Variants in SCLT1 observed in about 807,000 individuals in gnomAD.
The protein encoded by SCLT1 is sodium channel-associated protein 1.
SCLT1 carries 78 observed loss-of-function variants against 112.8 expected under a neutral mutation model. The ratio of observed to expected loss-of-function variants is 0.69; its 90% CI spans 0.58 to 0.83. The LOEUF (loss-of-function observed/expected upper bound fraction) is 0.83. SCLT1 is among the 40% of genes least tolerant of loss of function. SCLT1 has a pLI of 0.00. For missense variants in SCLT1, 747 were observed against 770.4 expected (o/e 0.97, Z 0.36); for synonymous variants, 257 against 254.7 (o/e 1.01, Z -0.09).
At chr4:128,980,266 A>T (rs1430056757) in intron 9 of SCLT1, among the ~76,000 whole-genome samples, 1 of 152,194 alleles carries the variant, frequency 6.6e-6, no homozygotes, top group African/African-American at 2.4e-5. Context: ...TTAAATTAGA[A>T]CATGAAACAT....
At chr4:128,959,116 G>C (rs1212240533) in intron 12 of SCLT1, among the ~76,000 whole-genome samples, 2 of 152,154 alleles carry the variant, frequency 1.3e-5, no homozygotes, top group East Asian at 3.8e-4. Flanking sequence ...GTATTTGACA[G>C]CACAGGAATC....
At chr4:129,088,353 A>G (rs1752569749) in intron 1 of SCLT1, among the ~76,000 whole-genome samples, 2 of 152,218 alleles carry the variant, frequency 1.3e-5, no homozygotes, top group Admixed American at 1.3e-4. Flanking sequence ...CAGCAAATTA[A>G]GAATAGAAAG....
chr4:128,912,096 T>C (rs993050245), intron 18 of SCLT1, among the ~76,000 whole-genome samples: 1 of 152,234 alleles, frequency 6.6e-6, no homozygotes, highest in Non-Finnish European at 1.5e-5. Flanking sequence ...TGCTAGAATA[T>C]ATAATGCTGT....
chr4:129,093,014 C>A, intron 1 of SCLT1, 56 bp downstream of exon 1: 1 of 1,279,318 alleles, frequency 7.8e-7, no homozygotes, highest in South Asian at 1.2e-5. Context: ...ATTTGTCGGT[C>A]AACGACGACG....
chr4:129,039,845 ATAAG>A lies in SCLT1; in HGVS notation c.235-753_235-750del, dbSNP rs138747286. On this transcript the variant is annotated intron_variant, in intron 4 of 20. Coordinates refer to ENST00000281142, the MANE Select transcript of SCLT1 (RefSeq NM_144643.4). ...ATGAGTAAAAGCAAAATAGCAAAAA[ATAAG>A]TAGTCAACTCTCAGTAAGTGTGAAT... 3.9e-3 allele frequency: 860 copies of A among 218,146 alleles called. 9 individuals carry two copies. The highest frequency in any genetic ancestry group is 0.018 in the African/African-American group (798 of 44,324). The allele number at this position is 218,146 out of a possible 1,614,324, so 13.5% of individuals were successfully genotyped here.
chr4:129,003,801 G>A lies in SCLT1; in HGVS notation c.366C>T (p.Asp122=). The A allele has an allele frequency of 6.2e-7, 1 of 1,611,764 alleles. No homozygotes were observed. The highest frequency in any genetic ancestry group is 2.2e-5 in the East Asian group (1 of 44,718). The part of the protein sequence containing the change: ...AFPLGTEVGT[D]IYADDETVRN... The stretch of plus-strand genomic sequence containing the variant: ...TGACTGTTTCATCATCTGCATATAT[G>A]TCAGTTCCTACCTCTGTGCCCAGGG... Residue 122 remains aspartate, a synonymous_variant, in exon 6 of 21, where the codon GAC becomes GAT. Transcript: ENST00000281142.
chr4:129,003,072 G>T (rs530083469), intron 6 of SCLT1, among the ~76,000 whole-genome samples: 21 of 152,196 alleles, frequency 1.4e-4, no homozygotes, highest in African/African-American at 4.8e-4. Flanking sequence ...AAGAAAATGT[G>T]GCACATATAC....
intron 18 of SCLT1, among the ~76,000 whole-genome samples, chr4:128,918,127 G>A (rs1263179797): frequency 6.6e-6 from 1 of 152,078 alleles, no homozygotes; most frequent in Non-Finnish European, 1.5e-5. Context: ...AGAGGCAAAG[G>A]CAAAGATTCT....
At chr4:128,877,264 A>G (rs189022329) in intron 3 of SCLT1, among the ~76,000 whole-genome samples, 77 of 152,322 alleles carry the variant, frequency 5.1e-4, no homozygotes, top group African/African-American at 1.8e-3. Flanking sequence ...TTTACAGATG[A>G]GGAAACTGAG....
At chr4:128,970,643 T>A in intron 9 of SCLT1, 175 bp from the exon 10 acceptor site, 1 of 555,844 alleles carries the variant, frequency 1.8e-6, no homozygotes, top group Non-Finnish European at 3.2e-6. Context: ...GTAGAAGATA[T>A]TAAAGAGGAA....
intron 2 of SCLT1, among the ~76,000 whole-genome samples, chr4:129,073,307 T>C (rs1751183464): frequency 6.6e-6 from 1 of 152,168 alleles, no homozygotes; most frequent in Non-Finnish European, 1.5e-5. Context: ...TGTGAGCCTC[T>C]GCATGCTACT....
chr4:129,004,900 G>T (rs1462675938), intron 5 of SCLT1, among the ~76,000 whole-genome samples: 4 of 151,336 alleles, frequency 2.6e-5, no homozygotes, highest in Non-Finnish European at 4.4e-5. Context: ...TACAAGTATT[G>T]GTTAAGACAG....
In SCLT1 at chr4:128,965,248, C is replaced by G. The variant is rs1275301250; in HGVS notation, c.848G>C (p.Ser283Thr). The change falls in exon 11 of 21, where the codon AGT becomes ACT. Residue 283 changes from serine to threonine, a missense_variant. Physicochemically the swap from Ser to Thr is moderately conservative, Grantham distance 58 (BLOSUM62 1). Coordinates refer to ENST00000281142, the MANE Select transcript of SCLT1 (RefSeq NM_144643.4). ...SDRRLQQLQSSIKQLEIRLCV... is the reference protein window; with the variant it reads ...SDRRLQQLQSTIKQLEIRLCV... ...TTACCTTATTTCTAATTGTTTTATA[C>G]TAGACTGTAACTGCTGTAAACGCCT... is the stretch of plus-strand genomic sequence containing the variant. 22 of 1,596,346 alleles carry G rather than the reference C, an allele frequency of 1.4e-5. No homozygotes were observed. In the Admixed American group the frequency reaches 3.7e-4, roughly 27 times the overall value.
At chr4:128,981,008 C>T (rs1560923029) in intron 9 of SCLT1, among the ~76,000 whole-genome samples, 1 of 152,150 alleles carries the variant, frequency 6.6e-6, no homozygotes, top group Admixed American at 6.5e-5. Context: ...TTAACTGACT[C>T]ACTCACTCAA....
intron 18 of SCLT1, among the ~76,000 whole-genome samples, chr4:128,907,043 C>A (rs1295267394): frequency 7.1e-6 from 1 of 141,598 alleles, no homozygotes; most frequent in Admixed American, 7.6e-5. Context: ...GTGTCACAGT[C>A]AAATCCGTGT....
At chr4:128,924,906 G>C (rs1736172478) in intron 18 of SCLT1, among the ~76,000 whole-genome samples, 1 of 152,106 alleles carries the variant, frequency 6.6e-6, no homozygotes, top group Admixed American at 6.5e-5. Flanking sequence ...CTTAAACAAA[G>C]ATCTTGACTT....
chr4:129,041,580 T>C (rs1305182606), intron 4 of SCLT1, among the ~76,000 whole-genome samples: 1 of 152,096 alleles, frequency 6.6e-6, no homozygotes, highest in African/African-American at 2.4e-5. Context: ...TAATCATTCA[T>C]TAAATATTTA....
chr4:129,058,262 A>AT (rs896396863), intron 2 of SCLT1, among the ~76,000 whole-genome samples: 1 of 151,648 alleles, frequency 6.6e-6, no homozygotes, highest in Non-Finnish European at 1.5e-5. Flanking sequence ...TCCCTATACT[A>AT]TTTTTTGTGT....
chr4:129,086,142 G>C (rs1240656214), intron 1 of SCLT1, among the ~76,000 whole-genome samples: 1 of 151,656 alleles, frequency 6.6e-6, no homozygotes, highest in Non-Finnish European at 1.5e-5. Context: ...AGGATAAGAA[G>C]TAAATTATGT....
Sources: allele counts gnomAD v4.1 joint callset (sites outside exome capture counted in the v4.1 genomes callset), GRCh38; gene constraint gnomAD v4.1.1; transcripts MANE v1.5; gene names NCBI Gene and HGNC (gene_info 2026-07-23, HGNC 2026-07-21).